The following TUB variants were observed in gnomAD, a reference collection of about 807,000 sequenced individuals.
The protein encoded by TUB is TUB bipartite transcription factor.
In TUB, 33 loss-of-function variants were observed where a neutral mutation model predicts 59.7. The ratio of observed to expected loss-of-function variants is 0.55; its 90% CI spans 0.42 to 0.74. The LOEUF (loss-of-function observed/expected upper bound fraction) is 0.74, where lower values mean the gene tolerates loss of function less well. Among genes scored for constraint, TUB ranks in the 30% least tolerant of loss-of-function variants. The pLI is 0.00. For synonymous variants in TUB, 293 were observed against 256.4 expected (o/e 1.14, Z -1.36); for missense variants, 659 against 672.0 (o/e 0.98, Z 0.21).
chr11:8,070,188 C>T (rs1589948847), intron 2 of TUB, among the ~76,000 whole-genome samples: 1 of 134,246 alleles, frequency 7.4e-6, no homozygotes, highest in East Asian at 2.2e-4. Context: ...TGGAATTTTG[C>T]TTTGAACTAA....
chr11:8,087,778 G>T (rs1364688712), intron 1 of TUB, among the ~76,000 whole-genome samples: 1 of 152,254 alleles, frequency 6.6e-6, no homozygotes, highest in Non-Finnish European at 1.5e-5. Context: ...AGAGATGGGA[G>T]GGTTGTAGCC....
intron 1 of TUB, among the ~76,000 whole-genome samples, chr11:8,023,931 T>G (rs1040114163): frequency 2.0e-5 from 3 of 152,200 alleles, no homozygotes; most frequent in African/African-American, 7.2e-5. Flanking sequence ...CACTCTTCAC[T>G]CCCAATTTCT....
At chr11:8,093,099 A>G (rs947308003) in intron 3 of TUB, among the ~76,000 whole-genome samples, 1 of 152,150 alleles carries the variant, frequency 6.6e-6, no homozygotes, top group Non-Finnish European at 1.5e-5. Flanking sequence ...TGTTAAACAG[A>G]TGGTCACGGG....
chr11:8,020,574 T>A (rs1364938431), intron 1 of TUB, among the ~76,000 whole-genome samples: 1 of 152,234 alleles, frequency 6.6e-6, no homozygotes, highest in Non-Finnish European at 1.5e-5. Context: ...CTTGTTTACC[T>A]CCTCGAGATG....
chr11:8,092,978 T>C (rs1333460423), intron 3 of TUB, among the ~76,000 whole-genome samples: 2 of 152,142 alleles, frequency 1.3e-5, no homozygotes, highest in African/African-American at 4.8e-5. Flanking sequence ...AGTTCTTAAA[T>C]ATTTATTGAG....
At chr11:8,049,946 A>T (rs1471519966) in intron 2 of TUB, among the ~76,000 whole-genome samples, 2 of 152,234 alleles carry the variant, frequency 1.3e-5, no homozygotes, top group Non-Finnish European at 2.9e-5. Flanking sequence ...AGACCAAGAA[A>T]CACAACATTT....
At chr11:8,065,276 C>G (rs1943216678) in intron 2 of TUB, among the ~76,000 whole-genome samples, 1 of 152,168 alleles carries the variant, frequency 6.6e-6, no homozygotes, top group African/African-American at 2.4e-5. Flanking sequence ...CCCTTTCCCT[C>G]TCATTCCTGG....
At chr11:8,051,929 T>A (rs1248423799) in intron 2 of TUB, among the ~76,000 whole-genome samples, 1 of 152,260 alleles carries the variant, frequency 6.6e-6, no homozygotes, top group African/African-American at 2.4e-5. Flanking sequence ...ACTTACTAAA[T>A]AATCCAATGT....
rs1944576030 is a variant in TUB at position 8,105,889 on chromosome 11, G to C, written c.*4270G>C. Reference sequence around the variant, plus strand: ...CGCAACTTAGGATGGCTAGGAAAGGGAAGCCTGACTGCTCGGTCAGGAGGG... The same window carrying C: ...CGCAACTTAGGATGGCTAGGAAAGGCAAGCCTGACTGCTCGGTCAGGAGGG... On this transcript the variant is annotated 3_prime_UTR_variant, in exon 12 of 12. Transcript: ENST00000299506. 6.6e-6 allele frequency: 1 copy of C among 152,192 alleles called. No homozygotes were observed. Among genetic ancestry groups the C allele is most frequent in the Non-Finnish European group, 1.5e-5 (1 of 68,020 alleles). The allele number at this position is 152,192 out of a possible 1,614,324, so 9.4% of individuals were successfully genotyped here.
At chr11:8,048,217 T>G (rs1165268791) in intron 2 of TUB, among the ~76,000 whole-genome samples, 1 of 152,216 alleles carries the variant, frequency 6.6e-6, no homozygotes, top group African/African-American at 2.4e-5. Flanking sequence ...ATTCTCATTT[T>G]GTGGAAGAAA....
chr11:8,094,377 G>A (rs1262196007), intron 4 of TUB, among the ~76,000 whole-genome samples, 188 bp downstream of exon 4: 4 of 152,142 alleles, frequency 2.6e-5, no homozygotes, highest in Non-Finnish European at 1.5e-5. Flanking sequence ...TGCCTGGGCT[G>A]CCTCTGGGTG....
intron 1 of TUB, among the ~76,000 whole-genome samples, chr11:8,087,779 G>A (rs1041577126): frequency 6.6e-6 from 1 of 152,248 alleles, no homozygotes; most frequent in Admixed American, 6.5e-5. Context: ...GAGATGGGAG[G>A]GTTGTAGCCT....
chr11:8,084,257 G>A (rs1001905483), intron 1 of TUB, among the ~76,000 whole-genome samples: 8 of 152,164 alleles, frequency 5.3e-5, no homozygotes, highest in Non-Finnish European at 1.0e-4. Context: ...GATAGTTGGT[G>A]ATAATCTTCT....
intron 3 of TUB, among the ~76,000 whole-genome samples, chr11:8,091,757 G>T (rs1018998490): frequency 6.6e-6 from 1 of 152,164 alleles, no homozygotes; most frequent in African/African-American, 2.4e-5. Context: ...AGCCCCAGCT[G>T]CTCCTCACAG....
intron 2 of TUB, chr11:8,075,646 A>G (rs1056378453): frequency 6.6e-6 from 1 of 152,164 alleles, no homozygotes; most frequent in African/African-American, 2.4e-5. Context: ...GGTAAGTCCC[A>G]TGACTTTTCT....
intron 1 of TUB, among the ~76,000 whole-genome samples, chr11:8,027,518 G>T (rs1444374586): frequency 1.3e-5 from 2 of 151,810 alleles, no homozygotes; most frequent in Admixed American, 1.3e-4. Context: ...AAATTTTATT[G>T]ATTTATTTAT....
At chr11:8,053,830 A>G (rs954646643) in intron 2 of TUB, among the ~76,000 whole-genome samples, 8 of 145,180 alleles carry the variant, frequency 5.5e-5, no homozygotes, top group Non-Finnish European at 9.1e-5. Flanking sequence ...AGTTTGAAAT[A>G]CTTGGCCGGG....
chr11:8,098,943 C>A, intron 9 of TUB, 68 bp downstream of exon 9: 1 of 1,149,836 alleles, frequency 8.7e-7, no homozygotes, highest in Non-Finnish European at 1.3e-6. Flanking sequence ...GATGCCTGAT[C>A]TAGGGGCTAT....
At chr11:8,061,972 C>T (rs1345281911) in intron 2 of TUB, 1 of 152,742 alleles carries the variant, frequency 6.5e-6, no homozygotes, top group Non-Finnish European at 1.5e-5. Context: ...TCCTCCTCCT[C>T]TGTTCTCGCT....
Sources: gnomAD v4.1 joint callset for allele counts (sites outside exome capture counted in the v4.1 genomes callset) on GRCh38, gnomAD v4.1.1 for gene constraint, MANE v1.5 for transcripts, NCBI Gene and HGNC (gene_info 2026-07-23, HGNC 2026-07-21) for gene names.